The following MACROD2 variants were observed in gnomAD, a reference collection of about 807,000 sequenced individuals.
The protein encoded by MACROD2 is ADP-ribose glycohydrolase MACROD2.
A neutral mutation model predicts 70.4 loss-of-function variants in MACROD2; 36 were observed. That is an observed-to-expected ratio of 0.51 (90% CI 0.39 to 0.68). The LOEUF (loss-of-function observed/expected upper bound fraction) is 0.68, where lower values mean the gene tolerates loss of function less well. Among genes scored for constraint, MACROD2 ranks in the 30% least tolerant of loss-of-function variants. The probability of loss-of-function intolerance (pLI) is 0.00; values close to 1 mark genes in which losing one functional copy is unlikely to be tolerated. For synonymous variants in MACROD2, 172 were observed against 178.8 expected (o/e 0.96, Z 0.30); for missense variants, 496 against 538.4 (o/e 0.92, Z 0.78).
intron 5 of MACROD2, among the ~76,000 whole-genome samples, chr20:14,702,601 G>A (rs765500814): frequency 0.22 from 168 of 764 alleles, 26 homozygotes; most frequent in African/African-American, 0.39. Context: ...ATATATGTGT[G>A]TATATATATG....
intron 1 of MACROD2, among the ~76,000 whole-genome samples, chr20:13,998,684 G>T (rs1296266519): frequency 6.6e-6 from 1 of 152,052 alleles, no homozygotes; most frequent in East Asian, 1.9e-4. Flanking sequence ...GGCTAGGCGC[G>T]GTGGCTCACA....
intron 3 of MACROD2, among the ~76,000 whole-genome samples, chr20:14,280,397 G>A (rs1568535882): frequency 6.6e-6 from 1 of 152,156 alleles, no homozygotes; most frequent in Non-Finnish European, 1.5e-5. Flanking sequence ...TCCTAAGGTT[G>A]AATATAAAAT....
chr20:14,415,710 G>A (rs2083796326), intron 3 of MACROD2, among the ~76,000 whole-genome samples: 1 of 152,150 alleles, frequency 6.6e-6, no homozygotes. Context: ...CATAATTGTG[G>A]TGATTAAGCC....
At chr20:15,468,295 A>T (rs965591885) in intron 7 of MACROD2, among the ~76,000 whole-genome samples, 1 of 145,774 alleles carries the variant, frequency 6.9e-6, no homozygotes, top group East Asian at 2.0e-4. Context: ...CTATTCAATT[A>T]AAAAAAAAAA....
In MACROD2 at chr20:16,041,210, A is replaced by T. The variant is rs114484322; in HGVS notation, c.1163A>T (p.Glu388Val). 1,971 of 1,611,652 alleles carry T rather than the reference A, an allele frequency of 1.2e-3. 33 individuals are homozygous for T. The African/African-American group carries it at 0.024, about 19-fold the overall frequency. Residue 388 changes from glutamate (E) to valine (V), a missense_variant, in exon 16 of 18, where the codon GAG becomes GTG. By Grantham distance (121) the Glu-to-Val change is moderately radical (BLOSUM62 -2). Transcript: ENST00000684519. The stretch of plus-strand genomic sequence containing the variant: ...TCTTTTTCTCTTCCAGCTCCAGGCG[A>T]GGACACACCTAGGATGCCTGGGAAA... ...EEKEGEKAPG[E>V]DTPRMPGKSE... is the part of the protein sequence containing the mutation.
At chr20:15,823,959 A>G (rs145675351) in intron 8 of MACROD2, among the ~76,000 whole-genome samples, 2,221 of 152,342 alleles carry the variant, frequency 0.015, 26 homozygotes, top group Non-Finnish European at 0.024. Flanking sequence ...AATCCAATTC[A>G]GTCATTAAGA....
chr20:15,718,874 G>A (rs79606750), intron 8 of MACROD2, among the ~76,000 whole-genome samples: 181 of 152,292 alleles, frequency 1.2e-3, no homozygotes, highest in African/African-American at 4.2e-3. Context: ...TCATCTGTCA[G>A]CTCAGTGGCC....
At chr20:15,138,290 G>T (rs977367721) in intron 5 of MACROD2, among the ~76,000 whole-genome samples, 1 of 152,040 alleles carries the variant, frequency 6.6e-6, no homozygotes, top group African/African-American at 2.4e-5. Context: ...GTTTGCTGAG[G>T]TTGAGAAAGG....
chr20:14,034,764 A>T (rs774226027), intron 2 of MACROD2, among the ~76,000 whole-genome samples: 2 of 152,236 alleles, frequency 1.3e-5, no homozygotes, highest in Non-Finnish European at 1.5e-5. Context: ...TATTCATTTA[A>T]TGAATTGTTT....
In MACROD2 at chr20:14,882,885, T is replaced by C. The variant is rs537056415; in HGVS notation, c.418+197926T>C. 7.9e-5 allele frequency among the ~76,000 whole-genome samples: 12 copies of C among 152,160 alleles called. 1 individual carries two copies. The highest frequency in any genetic ancestry group is 1.6e-4 in the Non-Finnish European group (11 of 68,024). On this transcript the variant is annotated intron_variant, in intron 5 of 17. Transcript: ENST00000684519. Reference sequence around the variant, plus strand: ...AAGTATGTAGACCTTATGTAACAGATGTAAGAAACAATTCCACCAATGCTG... The same window carrying C: ...AAGTATGTAGACCTTATGTAACAGACGTAAGAAACAATTCCACCAATGCTG...
intron 5 of MACROD2, among the ~76,000 whole-genome samples, chr20:15,023,239 C>A (rs995496395): frequency 9.9e-5 from 15 of 152,140 alleles, no homozygotes; most frequent in Admixed American, 2.6e-4. Context: ...CTTAGAGCCT[C>A]TATAACTGGA....
Position 14,442,335 on chromosome 20 carries a change from T to TATATTTAC in MACROD2, c.272-51143_272-51136dup, listed in dbSNP as rs1037181389. 7.0e-4 allele frequency among the ~76,000 whole-genome samples: 106 copies of TATATTTAC among 152,206 alleles called. 1 individual carries two copies. Among genetic ancestry groups the TATATTTAC allele is most frequent in the African/African-American group, 2.3e-3 (95 of 41,486 alleles). On this transcript the variant is annotated intron_variant, in intron 3 of 17. Coordinates refer to ENST00000684519, the MANE Select transcript of MACROD2 (RefSeq NM_001351661.2). ...GGAAAAATTGGAAATATATATACAT[T>TATATTTAC]ATATTTACCAAATGGGGAAAATTAA...
chr20:14,095,507 A>G (rs2054211290), intron 3 of MACROD2, among the ~76,000 whole-genome samples: 1 of 152,226 alleles, frequency 6.6e-6, no homozygotes, highest in Admixed American at 6.5e-5. Flanking sequence ...GGAGAGGTTA[A>G]GTGATTCACC....
At chr20:14,197,538 C>T (rs1273413488) in intron 3 of MACROD2, among the ~76,000 whole-genome samples, 3 of 151,908 alleles carry the variant, frequency 2.0e-5, no homozygotes, top group Admixed American at 6.6e-5. Flanking sequence ...GAGGCCAAGG[C>T]GGGCAGATCA....
At chr20:14,273,265 T>G (rs371020879) in intron 3 of MACROD2, among the ~76,000 whole-genome samples, 9 of 151,924 alleles carry the variant, frequency 5.9e-5, no homozygotes, top group Non-Finnish European at 7.4e-5. Flanking sequence ...CTCAGCAAAT[T>G]TAAAAGAACA....
chr20:15,854,909 T>C (rs549529216), intron 8 of MACROD2, among the ~76,000 whole-genome samples: 45 of 152,316 alleles, frequency 3.0e-4, no homozygotes, highest in African/African-American at 9.6e-4. Flanking sequence ...GCAGCCACTG[T>C]TTTATGAAAT....
At chr20:14,607,389 T>C (rs1214298370) in intron 4 of MACROD2, among the ~76,000 whole-genome samples, 1 of 152,052 alleles carries the variant, frequency 6.6e-6, no homozygotes, top group African/African-American at 2.4e-5. Context: ...TGAATGAGAG[T>C]TGGGAACTTG....
chr20:14,677,425 A>G (rs1256029193), intron 4 of MACROD2, among the ~76,000 whole-genome samples: 1 of 152,224 alleles, frequency 6.6e-6, no homozygotes, highest in Non-Finnish European at 1.5e-5. Flanking sequence ...GCTAACCAAG[A>G]TAGCCTAATT....
intron 5 of MACROD2, among the ~76,000 whole-genome samples, chr20:14,711,776 A>T (rs554140130): frequency 1.3e-5 from 2 of 152,294 alleles, no homozygotes; most frequent in African/African-American, 4.8e-5. Context: ...CTTTTGCCCA[A>T]ATCCCAAGCA....
Sources: allele counts gnomAD v4.1 joint callset (sites outside exome capture counted in the v4.1 genomes callset), GRCh38; gene constraint gnomAD v4.1.1; transcripts MANE v1.5; gene names NCBI Gene and HGNC (gene_info 2026-07-23, HGNC 2026-07-21).